Variants in ZYG11B observed in about 807,000 individuals in gnomAD.
The protein encoded by ZYG11B is zyg-11 family member B, cell cycle regulator.
Under a neutral mutation model 82.4 loss-of-function variants are expected in ZYG11B, and 36 were observed. The observed-to-expected ratio is 0.44, with a 90% CI of 0.33 to 0.58. The LOEUF is 0.58. Among genes scored for constraint, ZYG11B ranks in the 20% least tolerant of loss-of-function variants. The pLI is 0.02. For missense variants in ZYG11B, 552 were observed against 895.6 expected (o/e 0.62, Z 4.90); for synonymous variants, 303 against 312.8 (o/e 0.97, Z 0.33).
At chr1:52,794,032 T>C (rs1002350448) in intron 6 of ZYG11B, among the ~76,000 whole-genome samples, 4 of 151,962 alleles carry the variant, frequency 2.6e-5, no homozygotes, top group African/African-American at 9.7e-5. Context: ...TGGAGTGCAG[T>C]GGCGTGATCT....
chr1:52,787,682 T>A (rs1644925246), intron 5 of ZYG11B, among the ~76,000 whole-genome samples: 2 of 152,332 alleles, frequency 1.3e-5, no homozygotes, highest in South Asian at 4.1e-4. Context: ...ATATCAAGAC[T>A]CCAAGTGATT....
intron 1 of ZYG11B, among the ~76,000 whole-genome samples, chr1:52,733,828 A>G (rs1250545004): frequency 6.6e-6 from 1 of 152,212 alleles, no homozygotes; most frequent in Non-Finnish European, 1.5e-5. Context: ...TTAAGTTATA[A>G]CAATGCAATG....
chr1:52,743,180 A>G (rs113917552), intron 1 of ZYG11B, among the ~76,000 whole-genome samples: 1,878 of 152,118 alleles, frequency 0.012, 44 homozygotes, highest in African/African-American at 0.044. Context: ...AGGGAAGTAG[A>G]CGTAGGAGAC....
intron 1 of ZYG11B, among the ~76,000 whole-genome samples, chr1:52,745,869 T>TG (rs1571746356): frequency 6.7e-6 from 1 of 150,338 alleles, no homozygotes; most frequent in Non-Finnish European, 1.5e-5. Context: ...CAGCTGTTTT[T>TG]TTTGTTTTGT....
chr1:52,754,805 G>C (rs1305500467), intron 1 of ZYG11B, among the ~76,000 whole-genome samples: 1 of 152,038 alleles, frequency 6.6e-6, no homozygotes, highest in African/African-American at 2.4e-5. Flanking sequence ...TTACACCTAT[G>C]TTTTCTTCTA....
chr1:52,772,505 T>C, intron 3 of ZYG11B: 2 of 1,605,710 alleles, frequency 1.2e-6, no homozygotes, highest in South Asian at 2.2e-5. Context: ...CACCGATCTG[T>C]GAAGGAGTAA....
chr1:52,800,275 CA>C (rs71579948), intron 8 of ZYG11B, among the ~76,000 whole-genome samples: 170 of 119,978 alleles, frequency 1.4e-3, no homozygotes, highest in African/African-American at 4.0e-3. Context: ...GATTCCATGT[CA>C]AAAAAAAAAA....
intron 1 of ZYG11B, among the ~76,000 whole-genome samples, chr1:52,748,674 C>T (rs544494313): frequency 2.9e-4 from 44 of 152,158 alleles, no homozygotes; most frequent in African/African-American, 9.6e-4. Flanking sequence ...AGTAGCCTGG[C>T]CAACATGGTG....
intron 1 of ZYG11B, among the ~76,000 whole-genome samples, chr1:52,743,331 C>G (rs1372487886): frequency 6.7e-6 from 1 of 148,308 alleles, no homozygotes; most frequent in Non-Finnish European, 1.5e-5. Flanking sequence ...GCTGACCTTC[C>G]CTCCACTATT....
At chr1:52,743,773 A>G (rs1382004878) in intron 1 of ZYG11B, among the ~76,000 whole-genome samples, 2 of 152,142 alleles carry the variant, frequency 1.3e-5, no homozygotes, top group African/African-American at 2.4e-5. Context: ...TATAGTCTAC[A>G]ATAGTGTGCA....
At chr1:52,783,613 T>C (rs979052841) in intron 4 of ZYG11B, among the ~76,000 whole-genome samples, 1 of 148,880 alleles carries the variant, frequency 6.7e-6, no homozygotes, top group African/African-American at 2.5e-5. Context: ...TTTCTTTCTT[T>C]TTTTTTTTTT....
At chr1:52,756,886 C>T (rs561827048) in intron 2 of ZYG11B, among the ~76,000 whole-genome samples, 130 of 148,696 alleles carry the variant, frequency 8.7e-4, no homozygotes, top group African/African-American at 3.0e-3. Flanking sequence ...GGTGCAAACA[C>T]GGCTCACTGC....
At chr1:52,750,088 A>G (rs1363303466) in intron 1 of ZYG11B, among the ~76,000 whole-genome samples, 1 of 151,856 alleles carries the variant, frequency 6.6e-6, no homozygotes, top group Non-Finnish European at 1.5e-5. Context: ...ACTTGTTTAA[A>G]CTATTTATTT....
At chr1:52,739,510 T>C (rs1304309469) in intron 1 of ZYG11B, among the ~76,000 whole-genome samples, 11 of 152,204 alleles carry the variant, frequency 7.2e-5, no homozygotes, top group Non-Finnish European at 1.5e-5. Context: ...TAGGCTTAAA[T>C]TTTGTGTAAA....
chr1:52,768,323 A>G (rs192275508), intron 2 of ZYG11B, among the ~76,000 whole-genome samples: 1 of 152,238 alleles, frequency 6.6e-6, no homozygotes, highest in East Asian at 1.9e-4. Context: ...GCGTTGTTCC[A>G]TGGGTCCCAA....
At chr1:52,788,267 A>G (rs1644930130) in intron 5 of ZYG11B, among the ~76,000 whole-genome samples, 1 of 152,234 alleles carries the variant, frequency 6.6e-6, no homozygotes, top group Admixed American at 6.5e-5. Flanking sequence ...TTCAGACTGT[A>G]GCCCCCAAAA....
chr1:52,787,294 A>G (rs192051520), intron 5 of ZYG11B, among the ~76,000 whole-genome samples: 8 of 152,346 alleles, frequency 5.3e-5, no homozygotes, highest in Admixed American at 5.2e-4. Context: ...AAAATGCAGA[A>G]GAGTACATAC....
Position 52,825,097 on chromosome 1 carries a change from T to A in ZYG11B, c.*3468T>A, listed in dbSNP as rs997212275. On this transcript the variant is annotated 3_prime_UTR_variant, in exon 14 of 14. Coordinates refer to ENST00000294353, the MANE Select transcript of ZYG11B (RefSeq NM_024646.3). ...TCTAGGGCATAATGAGGAAAATTTT[T>A]AAAAAATAGATTATAATGATACATA... 1 of 152,170 alleles carries A rather than the reference T, an allele frequency of 6.6e-6. No homozygotes were observed. Among genetic ancestry groups the A allele is most frequent in the African/African-American group, 2.4e-5 (1 of 41,440 alleles). The allele number at this position is 152,170 out of a possible 1,614,324, so 9.4% of individuals were successfully genotyped here. A position where few individuals can be genotyped will look rare whatever the true frequency, so the allele number is the denominator to read the frequency against.
At chr1:52,748,600 T>C (rs910707647) in intron 1 of ZYG11B, among the ~76,000 whole-genome samples, 2 of 152,182 alleles carry the variant, frequency 1.3e-5, no homozygotes, top group Admixed American at 6.5e-5. Flanking sequence ...TGGTGGCACA[T>C]GCCTGTAATC....
Sources: gnomAD v4.1 joint callset for allele counts (sites outside exome capture counted in the v4.1 genomes callset) on GRCh38, gnomAD v4.1.1 for gene constraint, MANE v1.5 for transcripts, NCBI Gene and HGNC (gene_info 2026-07-23, HGNC 2026-07-21) for gene names.